CALD1: variants seen among roughly 807,000 people sequenced by gnomAD.
CALD1 encodes the protein caldesmon.
Under a neutral mutation model 99.9 loss-of-function variants are expected in CALD1, and 33 were observed. The ratio of observed to expected loss-of-function variants is 0.33; its 90% CI spans 0.25 to 0.44. The LOEUF (loss-of-function observed/expected upper bound fraction) is 0.44. CALD1 is among the 20% of genes least tolerant of loss of function. The probability of loss-of-function intolerance (pLI) is 1.00; values close to 1 mark genes in which losing one functional copy is unlikely to be tolerated. For synonymous variants in CALD1, 310 were observed against 325.0 expected (o/e 0.95, Z 0.50); for missense variants, 861 against 962.1 (o/e 0.89, Z 1.39).
chr7:134,877,706 A>G (rs532213184), intron 3 of CALD1, among the ~76,000 whole-genome samples: 2 of 152,188 alleles, frequency 1.3e-5, no homozygotes, highest in Non-Finnish European at 2.9e-5. Context: ...AGGGATGACT[A>G]TATTTAAAAT....
intron 1 of CALD1, among the ~76,000 whole-genome samples, chr7:134,770,388 C>A (rs1796867418): frequency 6.6e-6 from 1 of 152,174 alleles, no homozygotes; most frequent in African/African-American, 2.4e-5. Context: ...GTTCTGGAGG[C>A]CAGGAGTACA....
intron 3 of CALD1, among the ~76,000 whole-genome samples, chr7:134,911,238 C>T (rs1803791101): frequency 1.4e-5 from 2 of 147,332 alleles, no homozygotes; most frequent in South Asian, 2.2e-4. Context: ...TCAGGCTTCA[C>T]CTTCTGGAAC....
intron 1 of CALD1, among the ~76,000 whole-genome samples, chr7:134,834,360 A>T (rs1265366624): frequency 6.6e-6 from 1 of 152,234 alleles, no homozygotes; most frequent in East Asian, 1.9e-4. Context: ...CGAGCAGTGG[A>T]TTCTTCCAAT....
At chr7:134,871,279 C>T (rs1335587873) in intron 3 of CALD1, among the ~76,000 whole-genome samples, 1 of 152,060 alleles carries the variant, frequency 6.6e-6, no homozygotes, top group African/African-American at 2.4e-5. Flanking sequence ...TATACCTGAG[C>T]CCAGATGGGA....
chr7:134,728,748 C>G, the CALD1 span, among the ~76,000 whole-genome samples: 5 of 152,036 alleles, frequency 3.3e-5, no homozygotes, highest in African/African-American at 4.8e-5. Flanking sequence ...CTGTCCCTAT[C>G]GTTCTATCCC....
chr7:134,755,355 AT>A (rs952914025), intron 1 of CALD1, among the ~76,000 whole-genome samples: 3 of 151,810 alleles, frequency 2.0e-5, no homozygotes, highest in African/African-American at 4.8e-5. Flanking sequence ...GCATTTAAGT[AT>A]TTTTTTTCAT....
At chr7:134,880,763 T>A (rs1801562540) in intron 3 of CALD1, among the ~76,000 whole-genome samples, 1 of 152,192 alleles carries the variant, frequency 6.6e-6, no homozygotes, top group South Asian at 2.1e-4. Flanking sequence ...CTGACACCTG[T>A]CTTTCCTGCT....
chr7:134,889,547 C>T (rs1229502890), intron 3 of CALD1, among the ~76,000 whole-genome samples: 5 of 152,164 alleles, frequency 3.3e-5, no homozygotes, highest in Admixed American at 6.5e-5. Flanking sequence ...TTGCGGGAAA[C>T]GTTATTCCAC....
intron 3 of CALD1, among the ~76,000 whole-genome samples, chr7:134,886,098 T>A (rs1801840107): frequency 6.6e-6 from 1 of 152,184 alleles, no homozygotes; most frequent in Non-Finnish European, 1.5e-5. Flanking sequence ...TCGGCCTAAG[T>A]AATTGGTGCA....
At chr7:134,805,914 C>T (rs1465363993) in intron 1 of CALD1, among the ~76,000 whole-genome samples, 2 of 152,282 alleles carry the variant, frequency 1.3e-5, no homozygotes, top group Non-Finnish European at 1.5e-5. Flanking sequence ...ACACGTGCCA[C>T]CACACCCGGC....
At chr7:134,767,469 C>A (rs1368937550) in intron 1 of CALD1, among the ~76,000 whole-genome samples, 1 of 152,188 alleles carries the variant, frequency 6.6e-6, no homozygotes, top group South Asian at 2.1e-4. Flanking sequence ...CAAAATAGAT[C>A]AAATATTTTA....
At chr7:134,842,307 A>G (rs1563037981) in intron 1 of CALD1, among the ~76,000 whole-genome samples, 1 of 152,272 alleles carries the variant, frequency 6.6e-6, no homozygotes, top group Non-Finnish European at 1.5e-5. Flanking sequence ...CTCAGTGCTT[A>G]TCCTAAGATA....
chr7:134,953,784 T>C (rs1477624682), intron 9 of CALD1, among the ~76,000 whole-genome samples: 1 of 152,014 alleles, frequency 6.6e-6, no homozygotes, highest in Non-Finnish European at 1.5e-5. Flanking sequence ...AGATGCTGGC[T>C]TCCCATTTCA....
At chr7:134,946,029 A>G (rs1282947983) in intron 7 of CALD1, among the ~76,000 whole-genome samples, 2 of 152,054 alleles carry the variant, frequency 1.3e-5, no homozygotes, top group Non-Finnish European at 2.9e-5. Context: ...CTCCTGATCC[A>G]TTACTCCAGG....
At chr7:134,758,489 A>C (rs1796748306) in intron 1 of CALD1, among the ~76,000 whole-genome samples, 5 of 145,472 alleles carry the variant, frequency 3.4e-5, no homozygotes. Flanking sequence ...AAATATCTGC[A>C]GCTCCCATTG....
chr7:134,829,636 T>C (rs1442507353), intron 1 of CALD1, among the ~76,000 whole-genome samples: 1 of 152,190 alleles, frequency 6.6e-6, no homozygotes. Context: ...TGAGCTAGAT[T>C]ATACACGACA....
the CALD1 span, among the ~76,000 whole-genome samples, chr7:134,719,771 G>A: frequency 2.0e-5 from 3 of 152,210 alleles, no homozygotes; most frequent in Non-Finnish European, 2.9e-5. Context: ...GGTGACAGAA[G>A]CCAAAAGTTA....
intron 1 of CALD1, among the ~76,000 whole-genome samples, chr7:134,766,141 CTTTTTTTTTTTTTTTTTTT>C (rs71172475): frequency 4.2e-5 from 3 of 70,812 alleles, no homozygotes; most frequent in African/African-American, 1.7e-4. Flanking sequence ...CTTTTCTTTT[CTTTTTTTTTTTTTTTTTTT>C]TTTTTTTTTG....
chr7:134,906,566 A>C (rs566702378), intron 3 of CALD1, among the ~76,000 whole-genome samples: 62 of 152,150 alleles, frequency 4.1e-4, no homozygotes, highest in Non-Finnish European at 7.9e-4. Context: ...AATCTGTTTG[A>C]CTCACTTATT....
Sources: gnomAD v4.1 joint callset for allele counts (sites outside exome capture counted in the v4.1 genomes callset) on GRCh38, gnomAD v4.1.1 for gene constraint, MANE v1.5 for transcripts, NCBI Gene and HGNC (gene_info 2026-07-23, HGNC 2026-07-21) for gene names.